Variants in PGM1 observed in about 807,000 individuals in gnomAD.
The protein encoded by PGM1 is phosphoglucomutase-1.
In PGM1, 52 loss-of-function variants were observed where a neutral mutation model predicts 55.6. That is an observed-to-expected ratio of 0.94 (90% CI 0.75 to 1.18). PGM1 has a LOEUF of 1.18. Ranked by LOEUF, PGM1 falls within the 50% of genes most tolerant of loss-of-function variation. The pLI is 0.00. For missense variants in PGM1, 724 were observed against 729.3 expected, an observed-to-expected ratio of 0.99 and a Z score of 0.08; for synonymous variants, 287 against 271.7, an observed-to-expected ratio of 1.06 and a Z score of -0.55.
At chr1:63,657,638 C>G (rs1376365303) in intron 10 of PGM1, among the ~76,000 whole-genome samples, 5 of 152,214 alleles carry the variant, frequency 3.3e-5, no homozygotes, top group Admixed American at 3.3e-4. Flanking sequence ...CCCTGCTTCT[C>G]CCTTTTCACA....
chr1:63,634,773 A>T (rs1414181118), intron 4 of PGM1, 56 bp from the exon 5 acceptor site: 2 of 1,457,772 alleles, frequency 1.4e-6, no homozygotes, highest in East Asian at 4.5e-5. Flanking sequence ...ATCCTCACAT[A>T]CTTTAAGGAG....
At chr1:63,635,411 C>T (rs532161295) in intron 5 of PGM1, among the ~76,000 whole-genome samples, 1 of 152,280 alleles carries the variant, frequency 6.6e-6, no homozygotes, top group South Asian at 2.1e-4. Context: ...TTCATTCATT[C>T]ACATGAGCTG....
At chr1:63,657,303 G>A (rs766937713) in intron 10 of PGM1, among the ~76,000 whole-genome samples, 4 of 152,096 alleles carry the variant, frequency 2.6e-5, no homozygotes, top group Non-Finnish European at 4.4e-5. Flanking sequence ...GTGTGTCCCT[G>A]GGTAAGTTGT....
chr1:63,607,006 G>A (rs1334489674), intron 1 of PGM1, among the ~76,000 whole-genome samples: 1 of 152,186 alleles, frequency 6.6e-6, no homozygotes, highest in Non-Finnish European at 1.5e-5. Flanking sequence ...CCCACTTAAA[G>A]TGAATCATTC....
intron 1 of PGM1, among the ~76,000 whole-genome samples, chr1:63,597,989 A>G (rs1648130494): frequency 6.6e-6 from 1 of 152,100 alleles, no homozygotes; most frequent in African/African-American, 2.4e-5. Context: ...TAAAAATTTG[A>G]GACATGGTCT....
chr1:63,647,259 C>CACATATATAT (rs1649673294), intron 7 of PGM1, among the ~76,000 whole-genome samples: 1 of 55,446 alleles, frequency 1.8e-5, no homozygotes, highest in Non-Finnish European at 3.4e-5. Flanking sequence ...TAAAATTTTA[C>CACATATATAT]ATATATATAT....
At chr1:63,629,870 A>G (rs1649145987) in intron 2 of PGM1, 72 bp from the exon 3 acceptor site, 1 of 1,550,616 alleles carries the variant, frequency 6.4e-7, no homozygotes. Context: ...AGAGGAACTG[A>G]TGAGCTTTGG....
chr1:63,625,715 T>G (rs1472491145), intron 1 of PGM1, among the ~76,000 whole-genome samples: 1 of 152,252 alleles, frequency 6.6e-6, no homozygotes, highest in African/African-American at 2.4e-5. Context: ...GGAGATCATT[T>G]TATTTTTTTT....
intron 1 of PGM1, among the ~76,000 whole-genome samples, chr1:63,616,922 G>A (rs371031824): frequency 2.6e-5 from 4 of 152,036 alleles, no homozygotes; most frequent in South Asian, 4.1e-4. Context: ...TATGAAACAC[G>A]CCTGCTTGTT....
At chr1:63,625,567 T>C (rs1648994861) in intron 1 of PGM1, among the ~76,000 whole-genome samples, 1 of 152,208 alleles carries the variant, frequency 6.6e-6, no homozygotes. Flanking sequence ...TGGGTGGGAC[T>C]GCAGGGAGGA....
chr1:63,647,278 ATATATATATAT>A (rs1478379670), intron 7 of PGM1, among the ~76,000 whole-genome samples: 2 of 26,260 alleles, frequency 7.6e-5, no homozygotes, highest in Non-Finnish European at 1.2e-4. Flanking sequence ...ATATATATAT[ATATATATATAT>A]ATATATATAT....
At position 63,615,550 on chromosome 1, in the gene PGM1, C is replaced by CTTTTTTTTTTTTTT. The variant is rs1161161385; in HGVS notation, c.247-13858_247-13845dup. Among the ~76,000 whole-genome samples the CTTTTTTTTTTTTTT allele has an allele frequency of 1.6e-3, 99 of 62,992 alleles. 10 individuals carry two copies. Among genetic ancestry groups the CTTTTTTTTTTTTTT allele is most frequent in the African/African-American group, 3.6e-3 (54 of 14,828 alleles). 41.3% of individuals were successfully genotyped at this position (62,992 alleles called of 152,430 possible). ...CCATTTCTCTCCTCTTCTTCTTCTT[C>CTTTTTTTTTTTTTT]TTTTTTTTTTTTTTTTTTTTTTTTT... On this transcript the variant is annotated intron_variant, in intron 1 of 10. Coordinates refer to ENST00000371084, the MANE Select transcript of PGM1 (RefSeq NM_002633.3).
At chr1:63,636,033 C>CT (rs1649352423) in intron 5 of PGM1, among the ~76,000 whole-genome samples, 1 of 152,198 alleles carries the variant, frequency 6.6e-6, no homozygotes, top group African/African-American at 2.4e-5. Context: ...ACAGTTTTAA[C>CT]TTTTTGGCAT....
intron 1 of PGM1, among the ~76,000 whole-genome samples, chr1:63,626,167 G>A (rs995904031): frequency 6.6e-6 from 1 of 152,126 alleles, no homozygotes; most frequent in East Asian, 1.9e-4. Flanking sequence ...TTAGTGCCTG[G>A]CTGAGGGGGT....
chr1:63,650,811 C>T (rs1649787995), intron 8 of PGM1, among the ~76,000 whole-genome samples: 1 of 152,076 alleles, frequency 6.6e-6, no homozygotes, highest in South Asian at 2.1e-4. Flanking sequence ...GGCCCTTTTT[C>T]ATCCGCACTG....
chr1:63,651,316 G>T, intron 8 of PGM1: 1 of 279,312 alleles, frequency 3.6e-6, no homozygotes, highest in Admixed American at 4.9e-5. Context: ...GTTCTCCAGA[G>T]ATAACATTGC....
At chr1:63,599,705 A>T (rs899998309) in intron 1 of PGM1, among the ~76,000 whole-genome samples, 1 of 152,132 alleles carries the variant, frequency 6.6e-6, no homozygotes, top group Non-Finnish European at 1.5e-5. Context: ...TAGGAGGATC[A>T]CATTCACCCT....
At chr1:63,596,883 G>A (rs1047234163) in intron 1 of PGM1, among the ~76,000 whole-genome samples, 1 of 152,172 alleles carries the variant, frequency 6.6e-6, no homozygotes, top group Non-Finnish European at 1.5e-5. Flanking sequence ...AGCATTCAAT[G>A]AATTCTTGTT....
Position 63,630,106 on chromosome 1 carries a change from C to G in PGM1, c.556+18C>G. 6.2e-7 allele frequency: 1 copy of G among 1,612,110 alleles called. No homozygotes were observed. The highest frequency in any genetic ancestry group is 8.5e-7 in the Non-Finnish European group (1 of 1,178,134). On this transcript the variant is annotated intron_variant, in intron 3 of 10. Transcript: ENST00000371084. ...CTTCACAGGCATGTTTACTTTCCTC[C>G]TCTTTCTGCCCACTCCTATTTCCAA... is the stretch of plus-strand genomic sequence containing the variant.
Sources: gnomAD v4.1 joint callset for allele counts (sites outside exome capture counted in the v4.1 genomes callset) on GRCh38, gnomAD v4.1.1 for gene constraint, MANE v1.5 for transcripts, NCBI Gene and HGNC (gene_info 2026-07-23, HGNC 2026-07-21) for gene names.